SLC3A2: variants seen among roughly 807,000 people sequenced by gnomAD.
The protein encoded by SLC3A2 is amino acid transporter heavy chain SLC3A2.
In SLC3A2, 32 loss-of-function variants were observed where a neutral mutation model predicts 48.5. That is an observed-to-expected ratio of 0.66 (90% CI 0.50 to 0.89). The LOEUF is 0.89. Among genes scored for constraint, SLC3A2 ranks in the 40% least tolerant of loss-of-function variants. The pLI is 0.00. For missense variants in SLC3A2, 587 were observed against 680.7 expected, an observed-to-expected ratio of 0.86 and a Z score of 1.53; for synonymous variants, 277 against 288.8, an observed-to-expected ratio of 0.96 and a Z score of 0.41.
At chr11:62,866,459 G>A (rs765653639) in intron 1 of SLC3A2, among the ~76,000 whole-genome samples, 5 of 151,626 alleles carry the variant, frequency 3.3e-5, no homozygotes, top group Admixed American at 6.6e-5. Context: ...GCAGTGGCAC[G>A]ATCTTGGCTC....
At chr11:62,873,010 T>G (rs1477002013) in intron 1 of SLC3A2, among the ~76,000 whole-genome samples, 1 of 152,144 alleles carries the variant, frequency 6.6e-6, no homozygotes, top group Non-Finnish European at 1.5e-5. Context: ...CTCTTTCACC[T>G]TATTGATTAT....
intron 1 of SLC3A2, among the ~76,000 whole-genome samples, chr11:62,870,250 C>T (rs1247138139): frequency 2.6e-5 from 4 of 151,658 alleles, no homozygotes; most frequent in Admixed American, 2.0e-4. Context: ...GGCGTGATCT[C>T]GGCTCACTGC....
At chr11:62,859,059 C>T (rs1047306284) in intron 1 of SLC3A2, among the ~76,000 whole-genome samples, 5 of 152,188 alleles carry the variant, frequency 3.3e-5, no homozygotes, top group Non-Finnish European at 5.9e-5. Context: ...TCAGCACAGA[C>T]GCTTTACGGG....
At position 62,868,183 on chromosome 11, in the gene SLC3A2, A is replaced by G. The variant is rs559336311; in HGVS notation, c.112+11802A>G. Among the ~76,000 whole-genome samples the G allele has an allele frequency of 2.8e-4, 42 of 152,036 alleles. No homozygotes were observed. In the Middle Eastern group the frequency reaches 0.014, roughly 49 times the overall value. On this transcript the variant is annotated intron_variant, in intron 1 of 9. Coordinates refer to the SLC3A2 transcript ENST00000377889. ...GTGATCTGCCTGCCTTGGCCTCCCA[A>G]AGTGCTAGGATTACAGGTGTGAGCC...
At chr11:62,879,574 G>A (rs542913033), upstream of SLC3A2, among the ~76,000 whole-genome samples, 2 of 152,374 alleles carry the variant, frequency 1.3e-5, no homozygotes, top group Admixed American at 6.5e-5. Flanking sequence ...TTCCTAGGGT[G>A]GGGATGGGGT....
chr11:62,883,059 A>G (rs2085663875), intron 3 of SLC3A2, 60 bp downstream of exon 3: 2 of 1,511,702 alleles, frequency 1.3e-6, no homozygotes, highest in African/African-American at 1.4e-5. Context: ...CAGTCCTTTC[A>G]CAGCAAGCCC....
chr11:62,862,674 GT>G (rs2085413931), intron 1 of SLC3A2, among the ~76,000 whole-genome samples: 1 of 152,092 alleles, frequency 6.6e-6, no homozygotes, highest in African/African-American at 2.4e-5. Context: ...ACCTCTATAA[GT>G]TTTTTTCAGT....
intron 1 of SLC3A2, chr11:62,871,482 C>A (rs955479740): frequency 1.9e-5 from 8 of 425,430 alleles, no homozygotes; most frequent in Non-Finnish European, 1.2e-5. Context: ...TCAGGTTATC[C>A]GCCCGTCTCG....
intron 1 of SLC3A2, among the ~76,000 whole-genome samples, chr11:62,864,560 G>A (rs2085433094): frequency 6.6e-6 from 1 of 151,764 alleles, no homozygotes. Flanking sequence ...TCCACCTCCC[G>A]GGTTCACGCC....
At chr11:62,868,370 T>G (rs1312331343) in intron 1 of SLC3A2, among the ~76,000 whole-genome samples, 1 of 148,974 alleles carries the variant, frequency 6.7e-6, no homozygotes, top group African/African-American at 2.5e-5. Context: ...TCATTCTTTT[T>G]TTTTTTTTTT....
At chr11:62,870,459 C>G (rs1251231898) in intron 1 of SLC3A2, among the ~76,000 whole-genome samples, 3 of 151,952 alleles carry the variant, frequency 2.0e-5, no homozygotes, top group Admixed American at 2.0e-4. Flanking sequence ...ACTGGGATTA[C>G]AGGTGTGAGC....
upstream of SLC3A2, among the ~76,000 whole-genome samples, chr11:62,880,091 C>G (rs1046960207): frequency 2.6e-5 from 4 of 152,160 alleles, no homozygotes; most frequent in Admixed American, 2.6e-4. Flanking sequence ...CATTACAGCC[C>G]TATCAGTCTC....
At chr11:62,864,702 G>A (rs549575846) in intron 1 of SLC3A2, among the ~76,000 whole-genome samples, 4 of 151,798 alleles carry the variant, frequency 2.6e-5, no homozygotes, top group South Asian at 2.1e-4. Context: ...TCCTGACCTC[G>A]TGATCCGCCC....
intron 1 of SLC3A2, among the ~76,000 whole-genome samples, chr11:62,860,601 T>C (rs1404179041): frequency 6.6e-6 from 1 of 152,144 alleles, no homozygotes; most frequent in Non-Finnish European, 1.5e-5. Context: ...ACAGATGCCT[T>C]CCTCTTATCT....
chr11:62,862,843 T>A (rs1279896415), intron 1 of SLC3A2, among the ~76,000 whole-genome samples: 1 of 152,212 alleles, frequency 6.6e-6, no homozygotes, highest in African/African-American at 2.4e-5. Flanking sequence ...CAAGAGGCAC[T>A]GCCTCAATTA....
rs2085695935 is a variant in SLC3A2 at position 62,885,298 on chromosome 11, A to G, written c.940A>G (p.Thr314Ala). The part of the protein sequence containing the change: ...LSDSGSTGEH[T>A]KSLVTQYLNA... ...TGATTCTGGTTCTACTGGGGAGCATACAAAATCCCTAGTCACACAGTATTT... is the reference window on the plus strand; with the variant it reads ...TGATTCTGGTTCTACTGGGGAGCATGCAAAATCCCTAGTCACACAGTATTT... The change falls in exon 6 of 9, where the codon ACA becomes GCA. Residue 314 changes from threonine to alanine, a missense_variant. Transcript: ENST00000338663. The G allele has an allele frequency of 6.2e-7, 1 of 1,614,206 alleles. No homozygotes were observed. Among genetic ancestry groups the G allele is most frequent in the Non-Finnish European group, 8.5e-7 (1 of 1,180,040 alleles).
Position 62,888,760 on chromosome 11 carries a change from C to A in SLC3A2, c.*67C>A, listed in dbSNP as rs1051289. On this transcript the variant is annotated 3_prime_UTR_variant, in exon 9 of 9. Coordinates refer to ENST00000338663, the MANE Select transcript of SLC3A2 (RefSeq NM_001013251.3). ...CCAGGCCCTTTGGCTTCTGATTTTT[C>A]TCTTTTTTAAAAACAAACAAACAAA... 7.0e-7 allele frequency: 1 copy of A among 1,424,710 alleles called. No individual in the cohort carries two copies. Among genetic ancestry groups the A allele is most frequent in the African/African-American group, 1.4e-5 (1 of 70,134 alleles). The allele number at this position is 1,424,710 out of a possible 1,614,324, so 88.3% of individuals were successfully genotyped here. A position where few individuals can be genotyped will look rare whatever the true frequency, so the allele number is the denominator to read the frequency against.
At chr11:62,868,191 G>GGATT (rs1183691402) in intron 1 of SLC3A2, among the ~76,000 whole-genome samples, 1 of 152,090 alleles carries the variant, frequency 6.6e-6, no homozygotes, top group East Asian at 1.9e-4. Flanking sequence ...CAAAGTGCTA[G>GGATT]GATTACAGGT....
rs377345708 is a variant in SLC3A2 at position 62,888,371 on chromosome 11, G to A, written c.1268G>A (p.Arg423Gln). Residue 423 changes from arginine to glutamine, a missense_variant, in exon 9 of 9, where the codon CGG (arginine) becomes CAG (glutamine). Arg to Gln is a conservative substitution (Grantham distance 43, BLOSUM62 1). Transcript: ENST00000338663. Reference sequence around the variant, plus strand: ...CCTGGCTCCCTCCTTTCCTTGTTCCGGCGGCTGAGTGACCAGCGGAGTAAG... The same window carrying A: ...CCTGGCTCCCTCCTTTCCTTGTTCCAGCGGCTGAGTGACCAGCGGAGTAAG... Reference protein sequence around the residue: ...EDPGSLLSLFRRLSDQRSKER... With the variant: ...EDPGSLLSLFQRLSDQRSKER... 59 of 1,614,028 alleles carry A rather than the reference G, an allele frequency of 3.7e-5. No individual in the cohort carries two copies. Among genetic ancestry groups the A allele is most frequent in the Non-Finnish European group, 4.3e-5 (51 of 1,180,028 alleles).
Sources: allele counts gnomAD v4.1 joint callset (sites outside exome capture counted in the v4.1 genomes callset), GRCh38; gene constraint gnomAD v4.1.1; transcripts MANE v1.5; gene names NCBI Gene and HGNC (gene_info 2026-07-23, HGNC 2026-07-21).